The following DCTN6 variants were observed in gnomAD, a reference collection of about 807,000 sequenced individuals.
DCTN6 encodes dynactin 6.
In DCTN6, 15 loss-of-function variants were observed where a neutral mutation model predicts 25.8. That is an observed-to-expected ratio of 0.58 (90% confidence interval 0.39 to 0.89). DCTN6 has a LOEUF of 0.89. DCTN6 is among the 40% of genes least tolerant of loss of function. The pLI, the probability that DCTN6 is intolerant of heterozygous loss-of-function variation, is 0.00. For synonymous variants in DCTN6, 64 were observed against 78.3 expected, an observed-to-expected ratio of 0.82 and a Z score of 0.96; for missense variants, 198 against 237.6, an observed-to-expected ratio of 0.83 and a Z score of 1.09.
At chr8:30,175,273 GCTGACAT>G in intron 3 of DCTN6, 83 bp downstream of exon 3, 2 of 1,209,854 alleles carry the variant, frequency 1.7e-6, no homozygotes, top group Non-Finnish European at 2.4e-6. Flanking sequence ...AACCTTTTCA[GCTGACAT>G]CCAGGAGGCC....
At chr8:30,157,523 T>C (rs1803542043) in intron 1 of DCTN6, among the ~76,000 whole-genome samples, 1 of 152,228 alleles carries the variant, frequency 6.6e-6, no homozygotes, top group Admixed American at 6.5e-5. Context: ...GTTTAGTCCT[T>C]TGAGAAATCA....
In DCTN6 at chr8:30,183,179, G is replaced by A; in HGVS notation, c.*6G>A. 1.2e-6 allele frequency: 2 copies of A among 1,609,804 alleles called. No homozygotes were observed. Among genetic ancestry groups the A allele is most frequent in the Non-Finnish European group, 8.5e-7 (1 of 1,176,610 alleles). On this transcript the variant is annotated 3_prime_UTR_variant, in exon 7 of 7. Coordinates refer to ENST00000221114, the MANE Select transcript of DCTN6 (RefSeq NM_006571.4). The stretch of plus-strand genomic sequence containing the variant: ...CAACTCCAGTAAAGAACTAAGAACA[G>A]TGTATAACATGAAGATAACATTTTG...
At chr8:30,178,293 G>A (rs923296006) in intron 4 of DCTN6, among the ~76,000 whole-genome samples, 2 of 151,732 alleles carry the variant, frequency 1.3e-5, no homozygotes, top group African/African-American at 2.4e-5. Context: ...GAGAAACCCC[G>A]TCTCTACTAA....
At chr8:30,168,310 A>G (rs1803714426) in intron 2 of DCTN6, among the ~76,000 whole-genome samples, 1 of 152,124 alleles carries the variant, frequency 6.6e-6, no homozygotes, top group South Asian at 2.1e-4. Flanking sequence ...CATTTTTGTC[A>G]TTGTTATATT....
In DCTN6 at chr8:30,179,408, A is replaced by G; in HGVS notation, c.284A>G (p.Tyr95Cys). ...GTATTTACCTAACTCTGGCTTACAG[A>G]TTCCCAAGCCATGAAGATGGGAGAT... ...GTNNVFEVGC[Y>C]SQAMKMGDNN... is the part of the protein sequence containing the mutation. Residue 95 changes from tyrosine to cysteine, a missense_variant and splice_region_variant, in exon 5 of 7, where the codon TAT becomes TGT. Coordinates refer to ENST00000221114, the MANE Select transcript of DCTN6 (RefSeq NM_006571.4). 6.2e-7 allele frequency: 1 copy of G among 1,611,812 alleles called. No individual in the cohort carries two copies. The highest frequency in any genetic ancestry group is 8.5e-7 in the Non-Finnish European group (1 of 1,178,816).
At chr8:30,158,098 G>T (rs1025607626) in intron 1 of DCTN6, among the ~76,000 whole-genome samples, 2 of 152,110 alleles carry the variant, frequency 1.3e-5, no homozygotes, top group African/African-American at 4.8e-5. Flanking sequence ...TTGGCCTAGT[G>T]GCCTGCCCCA....
At chr8:30,175,738 AGAC>A (rs1803824568) in intron 3 of DCTN6, among the ~76,000 whole-genome samples, 1 of 152,210 alleles carries the variant, frequency 6.6e-6, no homozygotes, top group Non-Finnish European at 1.5e-5. Context: ...TGAGTGAACT[AGAC>A]TGTAATACGT....
chr8:30,177,473 G>A lies in DCTN6; in HGVS notation c.283+259G>A, dbSNP rs575744927. 148 of 230,606 alleles carry A rather than the reference G, an allele frequency of 6.4e-4. 2 individuals carry two copies. In the Middle Eastern group the frequency reaches 0.016, roughly 26 times the overall value. 14.3% of individuals were successfully genotyped at this position (230,606 alleles called of 1,614,324 possible). A position where few individuals can be genotyped will look rare whatever the true frequency, so the allele number is the denominator to read the frequency against. ...GTAAATCCCAGCACTGTGGGAGGCC[G>A]AAGCTGGCGGATCACTTGAGGCCAG... On this transcript the variant is annotated intron_variant, in intron 4 of 6. Coordinates refer to ENST00000221114, the MANE Select transcript of DCTN6 (RefSeq NM_006571.4).
chr8:30,156,614 G>C (rs1418230121), intron 1 of DCTN6, among the ~76,000 whole-genome samples: 5 of 152,124 alleles, frequency 3.3e-5, no homozygotes, highest in African/African-American at 1.2e-4. Flanking sequence ...TCGCTGCCTG[G>C]AAGGTTTTTG....
chr8:30,156,754 A>G (rs1019955391), intron 1 of DCTN6, among the ~76,000 whole-genome samples: 4 of 152,146 alleles, frequency 2.6e-5, no homozygotes, highest in African/African-American at 7.2e-5. Flanking sequence ...CTTCTCCCGC[A>G]TAATCGGCGG....
At chr8:30,157,098 C>T (rs917004461) in intron 1 of DCTN6, among the ~76,000 whole-genome samples, 1 of 152,160 alleles carries the variant, frequency 6.6e-6, no homozygotes, top group African/African-American at 2.4e-5. Context: ...CCCCTCCTAC[C>T]CTCGCTGCTT....
intron 2 of DCTN6, among the ~76,000 whole-genome samples, chr8:30,168,311 T>C (rs936771747): frequency 3.9e-5 from 6 of 152,230 alleles, no homozygotes; most frequent in Non-Finnish European, 8.8e-5. Context: ...ATTTTTGTCA[T>C]TGTTATATTT....
At chr8:30,171,994 G>T (rs1243948862) in intron 2 of DCTN6, among the ~76,000 whole-genome samples, 1 of 152,154 alleles carries the variant, frequency 6.6e-6, no homozygotes, top group Admixed American at 6.5e-5. Context: ...GCTGGCTGGG[G>T]CTTTGATTAC....
intron 2 of DCTN6, among the ~76,000 whole-genome samples, chr8:30,170,789 C>T (rs969841480): frequency 2.0e-5 from 3 of 151,482 alleles, no homozygotes; most frequent in African/African-American, 4.9e-5. Flanking sequence ...TACAGATGCC[C>T]GCCATAATGC....
intron 6 of DCTN6, 141 bp downstream of exon 6, chr8:30,180,771 C>T: frequency 1.8e-6 from 2 of 1,086,108 alleles, no homozygotes; most frequent in Non-Finnish European, 2.6e-6. Context: ...GTGACTCGTG[C>T]CTGGAATTCT....
chr8:30,181,352 C>A (rs556289280), intron 6 of DCTN6, among the ~76,000 whole-genome samples: 6 of 152,096 alleles, frequency 3.9e-5, no homozygotes, highest in Non-Finnish European at 7.4e-5. Context: ...CTATTTATTG[C>A]CATAGCTTCA....
At chr8:30,182,636 G>A (rs752956004) in intron 6 of DCTN6, among the ~76,000 whole-genome samples, 5 of 148,890 alleles carry the variant, frequency 3.4e-5, no homozygotes, top group Non-Finnish European at 7.4e-5. Context: ...GCAAAAATGA[G>A]TCAATGAAAA....
At chr8:30,170,955 T>A (rs569375933) in intron 2 of DCTN6, among the ~76,000 whole-genome samples, 144 of 152,294 alleles carry the variant, frequency 9.5e-4, no homozygotes, top group African/African-American at 3.3e-3. Context: ...TTTAAAAATG[T>A]GTGCTTCTGG....
chr8:30,178,653 T>A (rs1264606357), intron 4 of DCTN6, among the ~76,000 whole-genome samples: 4 of 149,810 alleles, frequency 2.7e-5, no homozygotes, highest in Admixed American at 2.7e-4. Context: ...TTTTTAAAGA[T>A]TTTTTTTTTA....
Sources: gnomAD v4.1 joint callset for allele counts (sites outside exome capture counted in the v4.1 genomes callset) on GRCh38, gnomAD v4.1.1 for gene constraint, MANE v1.5 for transcripts, NCBI Gene and HGNC (gene_info 2026-07-23, HGNC 2026-07-21) for gene names.